The following ATP11C variants were observed in gnomAD, a reference collection of about 807,000 sequenced individuals.
ATP11C encodes phospholipid-transporting ATPase IG.
ATP11C carries 36 observed loss-of-function variants against 97.4 expected under a neutral mutation model. The ratio of observed to expected loss-of-function variants is 0.37; its 90% CI spans 0.28 to 0.49. The LOEUF (loss-of-function observed/expected upper bound fraction) is 0.49. Among genes scored for constraint, ATP11C ranks in the 20% least tolerant of loss-of-function variants. The pLI is 0.98. For synonymous variants in ATP11C, 275 were observed against 290.9 expected, an observed-to-expected ratio of 0.95 and a Z score of 0.56; for missense variants, 730 against 824.6, an observed-to-expected ratio of 0.89 and a Z score of 1.40.
intron 1 of ATP11C, among the ~76,000 whole-genome samples, chrX:139,857,705 G>A (rs1477740900): frequency 9.0e-6 from 1 of 110,832 alleles, no homozygotes. Context: ...CCAAGTGTAC[G>A]CTCACCATTA....
intron 1 of ATP11C, among the ~76,000 whole-genome samples, chrX:139,925,928 C>A (rs2085344855): frequency 9.0e-6 from 1 of 111,431 alleles, no homozygotes; most frequent in Non-Finnish European, 1.9e-5. Context: ...GTCAGCCGAC[C>A]CAGTAATCCG....
intron 1 of ATP11C, among the ~76,000 whole-genome samples, chrX:139,871,092 G>A (rs999767769): frequency 1.9e-5 from 2 of 105,465 alleles, no homozygotes; most frequent in Admixed American, 1.0e-4. Context: ...AAAGATACAC[G>A]CACTGTGTAT....
At chrX:139,834,924 AT>A (rs2083724125) in intron 1 of ATP11C, among the ~76,000 whole-genome samples, 1 of 112,284 alleles carries the variant, frequency 8.9e-6, no homozygotes, top group Non-Finnish European at 1.9e-5. Context: ...ATTTCCCAAA[AT>A]TTTTTGACCA....
chrX:139,784,903 T>G (rs987209918), intron 16 of ATP11C, among the ~76,000 whole-genome samples: 1 of 111,321 alleles, frequency 9.0e-6, no homozygotes, highest in Non-Finnish European at 1.9e-5. Context: ...CATGTAAACA[T>G]TACTGGTAGA....
At chrX:139,922,945 A>G (rs2085290821) in intron 1 of ATP11C, among the ~76,000 whole-genome samples, 1 of 110,198 alleles carries the variant, frequency 9.1e-6, no homozygotes, top group Non-Finnish European at 1.9e-5. Context: ...TCTCCATCAC[A>G]CCTGGCTAAT....
chrX:139,744,871 G>C (rs1191911555), intron 25 of ATP11C, among the ~76,000 whole-genome samples: 1 of 111,702 alleles, frequency 9.0e-6, no homozygotes, highest in East Asian at 2.8e-4. Context: ...GAGAGGTTTT[G>C]ACTGTAGTGC....
chrX:139,750,263 A>G, intron 23 of ATP11C, 111 bp from the exon 24 acceptor site: 1 of 758,277 alleles, frequency 1.3e-6, no homozygotes, highest in Non-Finnish European at 1.9e-6. Context: ...ATTTTTTTAC[A>G]TGCTTTTGGT....
intron 1 of ATP11C, among the ~76,000 whole-genome samples, chrX:139,925,218 G>A (rs2085331956): frequency 8.9e-6 from 1 of 111,968 alleles, no homozygotes. Context: ...CAGTTTCTTG[G>A]AGTCTGTCAC....
chrX:139,782,097 C>T (rs184938735), intron 18 of ATP11C, among the ~76,000 whole-genome samples: 3 of 110,864 alleles, frequency 2.7e-5, no homozygotes, highest in African/African-American at 3.3e-5. Context: ...GAGGCTGAGG[C>T]GGACAGATCA....
chrX:139,824,694 C>CA (rs1166613216), intron 2 of ATP11C, among the ~76,000 whole-genome samples: 2 of 110,533 alleles, frequency 1.8e-5, no homozygotes, highest in African/African-American at 6.6e-5. Flanking sequence ...CTCCCCCCCA[C>CA]AAAAAAAGCA....
At chrX:139,743,660 A>T in intron 25 of ATP11C, 36 bp from the exon 26 acceptor site, 9 of 827,790 alleles carry the variant, frequency 1.1e-5, no homozygotes, top group Non-Finnish European at 1.5e-5. Flanking sequence ...TACCATGTAT[A>T]TACAAGTATT....
intron 1 of ATP11C, among the ~76,000 whole-genome samples, chrX:139,868,443 C>A (rs974268481): frequency 9.1e-6 from 1 of 109,334 alleles, no homozygotes; most frequent in African/African-American, 3.3e-5. Context: ...TGGCCAGGCG[C>A]GGTGGCTCAA....
chrX:139,850,591 A>C (rs767739735), intron 1 of ATP11C, among the ~76,000 whole-genome samples: 28 of 111,675 alleles, frequency 2.5e-4, no homozygotes, highest in African/African-American at 8.8e-4. Flanking sequence ...GAAAGAAATG[A>C]GTTAAAGATG....
chrX:139,791,515 A>G (rs927392846), intron 12 of ATP11C, among the ~76,000 whole-genome samples: 1 of 112,141 alleles, frequency 8.9e-6, no homozygotes, highest in Non-Finnish European at 1.9e-5. Flanking sequence ...ATCAAACTGT[A>G]GAATGCATCA....
chrX:139,822,153 A>G (rs2083423806), intron 2 of ATP11C, among the ~76,000 whole-genome samples: 1 of 112,414 alleles, frequency 8.9e-6, no homozygotes, highest in Non-Finnish European at 1.9e-5. Context: ...ATGAGAATTC[A>G]GTTTTTGTTA....
intron 1 of ATP11C, chrX:139,832,094 C>A: frequency 8.9e-7 from 1 of 1,118,039 alleles, no homozygotes; most frequent in Non-Finnish European, 1.2e-6. Flanking sequence ...ATAAAGCAGG[C>A]CCCAAGACCT....
At chrX:139,811,343 C>T (rs1452617612) in intron 5 of ATP11C, among the ~76,000 whole-genome samples, 6 of 111,162 alleles carry the variant, frequency 5.4e-5, no homozygotes, top group Non-Finnish European at 1.1e-4. Flanking sequence ...CTCCTCTGAG[C>T]TCCAGGATTG....
At chrX:139,875,740 C>T (rs1371611624) in intron 1 of ATP11C, among the ~76,000 whole-genome samples, 1 of 112,174 alleles carries the variant, frequency 8.9e-6, no homozygotes, top group Admixed American at 9.5e-5. Context: ...ATTCCAGTCC[C>T]TGTGATGTGT....
rs767460800 is a variant in ATP11C, at chrX:139,817,883, C to T, written c.238-940G>A. On this transcript the variant is annotated intron_variant, in intron 3 of 29. Transcript: ENST00000682941. The stretch of plus-strand genomic sequence containing the variant: ...TCATCATTTACTGACACAGGAAATA[C>T]TGAAAAAGAACTACATTTAAGGGAG... Among the ~76,000 whole-genome samples, 3 of 111,895 alleles carry T rather than the reference C, an allele frequency of 2.7e-5. No individual in the cohort carries two copies. In the South Asian group the frequency reaches 1.1e-3, roughly 42 times the overall value.
Sources: gnomAD v4.1 joint callset for allele counts (sites outside exome capture counted in the v4.1 genomes callset) on GRCh38, gnomAD v4.1.1 for gene constraint, MANE v1.5 for transcripts, NCBI Gene and HGNC (gene_info 2026-07-23, HGNC 2026-07-21) for gene names.